CDH12: variants seen among roughly 807,000 people sequenced by gnomAD.
CDH12 encodes the protein cadherin 12.
CDH12 carries 41 observed loss-of-function variants against 74.1 expected under a neutral mutation model. The ratio of observed to expected loss-of-function variants is 0.55; its 90% CI spans 0.43 to 0.72. The LOEUF (loss-of-function observed/expected upper bound fraction) is 0.72. Among genes scored for constraint, CDH12 ranks in the 30% least tolerant of loss-of-function variants. The probability of loss-of-function intolerance (pLI) is 0.00; values close to 1 mark genes in which losing one functional copy is unlikely to be tolerated. For missense variants in CDH12, 945 were observed against 977.2 expected (o/e 0.97, Z 0.44); for synonymous variants, 399 against 355.0 (o/e 1.12, Z -1.39).
In CDH12 at chr5:22,565,448, A is replaced by C. The variant is rs1158215851; in HGVS notation, c.-522-60084T>G. Reference sequence around the variant, plus strand: ...ATATCTTTGAAACTGAACTCTCTCTATATTTATATATTTTTACAATTAACT... The same window carrying C: ...ATATCTTTGAAACTGAACTCTCTCTCTATTTATATATTTTTACAATTAACT... On this transcript the variant is annotated intron_variant, in intron 1 of 14. Coordinates refer to ENST00000382254, the MANE Select transcript of CDH12 (RefSeq NM_004061.5). 6.6e-5 allele frequency among the ~76,000 whole-genome samples: 10 copies of C among 152,178 alleles called. 1 individual carries two copies. Among genetic ancestry groups the C allele is most frequent in the Non-Finnish European group, 1.2e-4 (8 of 68,034 alleles).
chr5:22,240,192 T>C (rs183833828), intron 3 of CDH12, among the ~76,000 whole-genome samples: 25 of 152,322 alleles, frequency 1.6e-4, no homozygotes, highest in African/African-American at 6.0e-4. Flanking sequence ...AAATGATAAA[T>C]GCTAATACTT....
In CDH12 at chr5:22,479,510, G is replaced by A. The variant is rs1746300499; in HGVS notation, c.-428+25760C>T. Among the ~76,000 whole-genome samples, 3 of 152,314 alleles carry A rather than the reference G, an allele frequency of 2.0e-5. No homozygotes were observed. In the South Asian group the frequency reaches 6.2e-4, roughly 32 times the overall value. ...ATGGCAGGGATATGGCCTTTCTGAG[G>A]AAAAGACATCTATCTTAAAATTTGC... On this transcript the variant is annotated intron_variant, in intron 2 of 14. Transcript: ENST00000382254.
chr5:21,857,687 C>T (rs1326827332), intron 6 of CDH12, among the ~76,000 whole-genome samples: 1 of 151,730 alleles, frequency 6.6e-6, no homozygotes, highest in Non-Finnish European at 1.5e-5. Context: ...GATACAAACT[C>T]CAACTAAATA....
chr5:22,837,104 G>A (rs1736858921), intron 1 of CDH12, among the ~76,000 whole-genome samples: 1 of 151,936 alleles, frequency 6.6e-6, no homozygotes, highest in Non-Finnish European at 1.5e-5. Flanking sequence ...TATAATCTTG[G>A]GACATCAAAT....
intron 1 of CDH12, among the ~76,000 whole-genome samples, chr5:22,566,383 A>T (rs75907998): frequency 0.15 from 22,571 of 151,774 alleles, 2,292 homozygotes; most frequent in East Asian, 0.36. Context: ...GATTTCAGGC[A>T]TGCACCACCA....
chr5:21,963,575 T>A (rs1580029640), intron 6 of CDH12, among the ~76,000 whole-genome samples: 1 of 152,068 alleles, frequency 6.6e-6, no homozygotes, highest in East Asian at 1.9e-4. Context: ...TTTCCTTATA[T>A]ATGTTGCCCA....
chr5:22,576,437 A>G (rs1398443480), intron 1 of CDH12, among the ~76,000 whole-genome samples: 1 of 152,212 alleles, frequency 6.6e-6, no homozygotes, highest in African/African-American at 2.4e-5. Flanking sequence ...TGATATTTTG[A>G]ATAGCACATT....
chr5:21,891,364 T>G (rs1194944005), intron 6 of CDH12, among the ~76,000 whole-genome samples: 1 of 152,122 alleles, frequency 6.6e-6, no homozygotes, highest in Admixed American at 6.6e-5. Context: ...GTATTAACAT[T>G]GCATCTTTCA....
chr5:22,670,287 G>A (rs1200730348), intron 1 of CDH12, among the ~76,000 whole-genome samples: 3 of 152,038 alleles, frequency 2.0e-5, no homozygotes, highest in African/African-American at 4.8e-5. Context: ...CCAAAGCACT[G>A]GGATTACAAG....
intron 2 of CDH12, among the ~76,000 whole-genome samples, chr5:22,418,765 T>A (rs1743507693): frequency 6.6e-6 from 1 of 151,914 alleles, no homozygotes; most frequent in African/African-American, 2.4e-5. Flanking sequence ...GCTCCTGTAA[T>A]CCCAGCTACT....
intron 1 of CDH12, among the ~76,000 whole-genome samples, chr5:22,718,861 T>C (rs1280170282): frequency 6.6e-6 from 1 of 152,174 alleles, no homozygotes; most frequent in Non-Finnish European, 1.5e-5. Context: ...CATCTGTGAC[T>C]CCAAGAGGGA....
chr5:22,341,484 T>C (rs1174926041), intron 3 of CDH12, among the ~76,000 whole-genome samples: 1 of 152,136 alleles, frequency 6.6e-6, no homozygotes, highest in Non-Finnish European at 1.5e-5. Flanking sequence ...TAAAAAGATA[T>C]GAAAGACAAG....
intron 3 of CDH12, among the ~76,000 whole-genome samples, chr5:22,279,826 G>GCAATAAA: frequency 6.6e-6 from 1 of 152,166 alleles, no homozygotes; most frequent in Non-Finnish European, 1.5e-5. Context: ...GAGTAGTGCC[G>GCAATAAA]CAATAAACAT....
chr5:21,899,312 G>A (rs1753275263), intron 6 of CDH12, among the ~76,000 whole-genome samples: 2 of 152,114 alleles, frequency 1.3e-5, no homozygotes, highest in Admixed American at 6.6e-5. Flanking sequence ...GAAGGCAAGG[G>A]CAGTCTGATT....
intron 6 of CDH12, among the ~76,000 whole-genome samples, chr5:21,878,574 CAAAAAAAA>C (rs55681202): frequency 1.7e-5 from 2 of 119,752 alleles, no homozygotes; most frequent in African/African-American, 6.4e-5. Context: ...ACCAAAAATA[CAAAAAAAA>C]AAAAAAAAAA....
rs1417671953 is a variant in CDH12 at position 21,768,446 on chromosome 5, T to C, written c.1394-3347A>G. 2.0e-5 allele frequency among the ~76,000 whole-genome samples: 3 copies of C among 151,844 alleles called. No individual in the cohort carries two copies. The East Asian group carries it at 5.8e-4, about 29-fold the overall frequency. On this transcript the variant is annotated intron_variant, in intron 11 of 14. Coordinates refer to ENST00000382254, the MANE Select transcript of CDH12 (RefSeq NM_004061.5). Reference sequence around the variant, plus strand: ...AAGAGAAAAAAAGGAAAATAATAAATTACCTAAATCTGAAATGAATTAACT... The same window carrying C: ...AAGAGAAAAAAAGGAAAATAATAAACTACCTAAATCTGAAATGAATTAACT...
rs11949637 is a variant in CDH12, at chr5:22,101,401, T to C, written c.-186-22539A>G. On this transcript the variant is annotated intron_variant, in intron 4 of 14. Coordinates refer to ENST00000382254, the MANE Select transcript of CDH12 (RefSeq NM_004061.5). ...TATTTGCAACATTATAGAACACAAC[T>C]GTTTTTCTTCTTCTTCTTTCTTTTA... Among the ~76,000 whole-genome samples, 895 of 152,338 alleles carry C rather than the reference T, an allele frequency of 5.9e-3. 8 individuals carry two copies. The highest frequency in any genetic ancestry group is 0.02 in the African/African-American group (845 of 41,598).
chr5:21,914,265 C>T (rs1309259178), intron 6 of CDH12, among the ~76,000 whole-genome samples: 2 of 152,020 alleles, frequency 1.3e-5, no homozygotes, highest in Non-Finnish European at 2.9e-5. Flanking sequence ...ACATGCAAAG[C>T]ACTGTGAGAG....
intron 1 of CDH12, among the ~76,000 whole-genome samples, chr5:22,635,915 A>G (rs1330054024): frequency 1.3e-5 from 2 of 151,932 alleles, no homozygotes; most frequent in African/African-American, 4.8e-5. Flanking sequence ...TCCATCTCAA[A>G]AAATAAAATA....
Sources: gnomAD v4.1 joint callset for allele counts (sites outside exome capture counted in the v4.1 genomes callset) on GRCh38, gnomAD v4.1.1 for gene constraint, MANE v1.5 for transcripts, NCBI Gene and HGNC (gene_info 2026-07-23, HGNC 2026-07-21) for gene names.